Variants in C12orf50 observed in about 807,000 individuals in gnomAD.
The protein encoded by C12orf50 is zinc finger CCCH-type containing 11D.
Under a neutral mutation model 61.6 loss-of-function variants are expected in C12orf50, and 35 were observed. That is an observed-to-expected ratio of 0.57 (90% CI 0.43 to 0.75). The LOEUF (loss-of-function observed/expected upper bound fraction) is 0.75. Ranked by LOEUF, C12orf50 falls within the 30% of genes least tolerant of loss-of-function variation. The pLI, the probability that C12orf50 is intolerant of heterozygous loss-of-function variation, is 0.00. For missense variants in C12orf50, 475 were observed against 488.5 expected (o/e 0.97, Z 0.26); for synonymous variants, 178 against 161.5 (o/e 1.10, Z -0.77).
chr12:88,013,070 A>C (rs954008217), intron 3 of C12orf50, among the ~76,000 whole-genome samples: 1 of 152,154 alleles, frequency 6.6e-6, no homozygotes, highest in Admixed American at 6.5e-5. Context: ...TCTCCAAAAA[A>C]TACACATGTA....
At chr12:88,015,973 A>T (rs1364940571) in intron 3 of C12orf50, among the ~76,000 whole-genome samples, 1 of 152,206 alleles carries the variant, frequency 6.6e-6, no homozygotes, top group Admixed American at 6.5e-5. Context: ...CTTAGTGCTT[A>T]AAGATAACAA....
chr12:87,981,071 A>G (rs554680140), intron 12 of C12orf50, among the ~76,000 whole-genome samples: 6 of 152,326 alleles, frequency 3.9e-5, no homozygotes, highest in Non-Finnish European at 7.3e-5. Flanking sequence ...GAAAATAAGA[A>G]AACAAACTAT....
chr12:88,009,608 C>T (rs2032021580), intron 3 of C12orf50, among the ~76,000 whole-genome samples: 1 of 152,146 alleles, frequency 6.6e-6, no homozygotes, highest in South Asian at 2.1e-4. Context: ...GCTAAAGATG[C>T]TGCTAAACAA....
At chr12:87,982,996 C>A in intron 12 of C12orf50, 107 bp downstream of exon 12, 1 of 581,174 alleles carries the variant, frequency 1.7e-6, no homozygotes, top group Non-Finnish European at 2.9e-6. Context: ...GCATGTATAT[C>A]TTGAAATTTT....
chr12:87,986,706 A>G (rs1173057133), intron 9 of C12orf50, among the ~76,000 whole-genome samples: 1 of 152,188 alleles, frequency 6.6e-6, no homozygotes, highest in Non-Finnish European at 1.5e-5. Flanking sequence ...ATAAAATTGC[A>G]TTCAAAATAT....
chr12:87,994,025 C>T (rs1173534957), intron 7 of C12orf50, among the ~76,000 whole-genome samples: 1 of 151,858 alleles, frequency 6.6e-6, no homozygotes, highest in Non-Finnish European at 1.5e-5. Flanking sequence ...CATGGTGAAA[C>T]CCCGTCTCTA....
chr12:88,026,835 A>C, intron 2 of C12orf50, 116 bp downstream of exon 2: 1 of 1,473,962 alleles, frequency 6.8e-7, no homozygotes, highest in South Asian at 1.4e-5. Context: ...CAAAATGCCT[A>C]AAATCAAATA....
At chr12:88,018,598 G>C (rs934034482) in intron 3 of C12orf50, among the ~76,000 whole-genome samples, 10 of 152,222 alleles carry the variant, frequency 6.6e-5, no homozygotes, top group African/African-American at 2.4e-4. Context: ...CTGACAGCTT[G>C]CACCGTGTGC....
intron 12 of C12orf50, among the ~76,000 whole-genome samples, chr12:87,981,081 T>C (rs1180078858): frequency 6.6e-6 from 1 of 152,204 alleles, no homozygotes; most frequent in Non-Finnish European, 1.5e-5. Context: ...AAACAAACTA[T>C]TTCATTATAA....
At chr12:88,016,544 G>C (rs1344418061) in intron 3 of C12orf50, among the ~76,000 whole-genome samples, 1 of 152,178 alleles carries the variant, frequency 6.6e-6, no homozygotes, top group African/African-American at 2.4e-5. Context: ...ACATATTTCA[G>C]CTGAGCTTGT....
chr12:87,996,283 T>G (rs1181548294), intron 6 of C12orf50, 91 bp downstream of exon 6: 1 of 911,706 alleles, frequency 1.1e-6, no homozygotes, highest in East Asian at 2.5e-5. Context: ...ATTTATCACT[T>G]TATTCTTCTG....
intron 3 of C12orf50, among the ~76,000 whole-genome samples, chr12:88,017,586 A>G (rs568217687): frequency 6.6e-6 from 1 of 152,342 alleles, no homozygotes; most frequent in South Asian, 2.1e-4. Flanking sequence ...GAACTGGGTA[A>G]CAGGCAGAGG....
chr12:88,029,670 A>G (rs2032828139), upstream of C12orf50, among the ~76,000 whole-genome samples: 2 of 152,180 alleles, frequency 1.3e-5, no homozygotes. Flanking sequence ...GTAAACAGCT[A>G]TTTCTAAATC....
intron 4 of C12orf50, 52 bp downstream of exon 4, chr12:87,997,983 A>C: frequency 6.8e-7 from 1 of 1,464,046 alleles, no homozygotes; most frequent in Non-Finnish European, 9.3e-7. Flanking sequence ...CATATGTAAA[A>C]AATGTGAGGT....
chr12:87,985,743 T>A (rs11104702), intron 11 of C12orf50, 107 bp downstream of exon 11: 158,817 of 1,074,634 alleles, frequency 0.15, 23,614 homozygotes, highest in African/African-American at 0.71. Context: ...ATGGCCAGGG[T>A]AAAGAAGAGG....
intron 7 of C12orf50, among the ~76,000 whole-genome samples, chr12:87,991,786 G>C (rs1762436782): frequency 6.6e-6 from 1 of 152,186 alleles, no homozygotes; most frequent in East Asian, 1.9e-4. Context: ...CAAAGAAAAG[G>C]TGTGCATATG....
chr12:88,005,692 T>C (rs2031833061), intron 3 of C12orf50, among the ~76,000 whole-genome samples: 1 of 152,094 alleles, frequency 6.6e-6, no homozygotes, highest in Non-Finnish European at 1.5e-5. Context: ...CAGGCTGGAG[T>C]GCAGTGGCGC....
At chr12:87,980,832 TC>T (rs912826752) in intron 12 of C12orf50, among the ~76,000 whole-genome samples, 13 of 152,264 alleles carry the variant, frequency 8.5e-5, no homozygotes, top group African/African-American at 3.1e-4. Flanking sequence ...CCAAAAGGCT[TC>T]TCCTGTCCGC....
intron 3 of C12orf50, among the ~76,000 whole-genome samples, chr12:88,002,696 A>ATAT (rs1398119603): frequency 6.6e-6 from 1 of 151,686 alleles, no homozygotes; most frequent in Non-Finnish European, 1.5e-5. Flanking sequence ...TTCACATTTA[A>ATAT]TATAATTATT....
Sources: gnomAD v4.1 joint callset for allele counts (sites outside exome capture counted in the v4.1 genomes callset) on GRCh38, gnomAD v4.1.1 for gene constraint, MANE v1.5 for transcripts, NCBI Gene and HGNC (gene_info 2026-07-23, HGNC 2026-07-21) for gene names.